The following ITPR2 variants were observed in gnomAD, a reference collection of about 807,000 sequenced individuals.
The protein encoded by ITPR2 is inositol 1,4,5-trisphosphate receptor type 2, also known as inositol 1,4,5-trisphosphate-gated calcium channel ITPR2.
A neutral mutation model predicts 317.1 loss-of-function variants in ITPR2; 207 were observed. That is an observed-to-expected ratio of 0.65 (90% CI 0.58 to 0.73). The LOEUF (loss-of-function observed/expected upper bound fraction) is 0.73. ITPR2 is among the 30% of genes least tolerant of loss of function. ITPR2 has a pLI of 0.00. For missense variants in ITPR2, 2,613 were observed against 3,284.0 expected, an observed-to-expected ratio of 0.80 and a Z score of 4.99; for synonymous variants, 1,156 against 1,149.1, an observed-to-expected ratio of 1.01 and a Z score of -0.12.
chr12:26,820,443 C>G (rs1950921521), intron 1 of ITPR2, among the ~76,000 whole-genome samples: 1 of 152,044 alleles, frequency 6.6e-6, no homozygotes, highest in East Asian at 1.9e-4. Flanking sequence ...CTTCAAAGAA[C>G]TTACAGTCTA....
intron 21 of ITPR2, among the ~76,000 whole-genome samples, chr12:26,649,809 A>ATAGG (rs1383421385): frequency 6.6e-6 from 1 of 151,560 alleles, no homozygotes; most frequent in African/African-American, 2.4e-5. Context: ...AGATAGATAG[A>ATAGG]TAGATAGATA....
rs754511276 is a variant in ITPR2 at position 26,832,727 on chromosome 12, C to T, written c.55G>A (p.Ala19Thr). Reference sequence around the variant, plus strand: ...ATGAAGCCGTTGACCGAGCCCTCCGCGTACAGGGACACGATGTCCCCTATG... The same window carrying T: ...ATGAAGCCGTTGACCGAGCCCTCCGTGTACAGGGACACGATGTCCCCTATG... The part of the protein sequence containing the change: ...LYIGDIVSLY[A>T]EGSVNGFIST... Residue 19 changes from alanine (A) to threonine (T), a missense_variant, in exon 1 of 57, where the codon GCG (alanine) becomes ACG (threonine). Around this residue, in one of 9 missense-constraint regions of ITPR2, gnomAD observed 515 missense variants for 789.4 expected, o/e 0.65. Transcript: ENST00000381340. 1.2e-6 allele frequency: 2 copies of T among 1,600,442 alleles called. No homozygotes were observed. Among genetic ancestry groups the T allele is most frequent in the Non-Finnish European group, 1.7e-6 (2 of 1,174,368 alleles).
At chr12:26,354,561 T>C (rs886806943) in intron 55 of ITPR2, among the ~76,000 whole-genome samples, 1 of 152,206 alleles carries the variant, frequency 6.6e-6, no homozygotes, top group Non-Finnish European at 1.5e-5. Context: ...GTCCCTGACA[T>C]TGCCATTTTA....
At chr12:26,701,911 T>C (rs1364129178) in intron 9 of ITPR2, among the ~76,000 whole-genome samples, 1 of 152,240 alleles carries the variant, frequency 6.6e-6, no homozygotes, top group East Asian at 1.9e-4. Context: ...ACTTGATCTA[T>C]ATTGCTTTGG....
intron 1 of ITPR2, 78 bp downstream of exon 1, chr12:26,832,612 C>G: frequency 8.9e-7 from 1 of 1,124,920 alleles, no homozygotes; most frequent in Non-Finnish European, 1.3e-6. Context: ...GCGGGAGGAC[C>G]GGGCGGCGGA....
intron 53 of ITPR2, 101 bp downstream of exon 53, chr12:26,400,027 C>CA (rs1940122067): frequency 2.4e-6 from 3 of 1,243,802 alleles, no homozygotes; most frequent in Non-Finnish European, 3.3e-6. Context: ...GCAAATGGTA[C>CA]AATATATTTT....
chr12:26,488,618 C>CAACCACAGT (rs1213396912), intron 39 of ITPR2, among the ~76,000 whole-genome samples: 2 of 152,172 alleles, frequency 1.3e-5, no homozygotes, highest in Non-Finnish European at 2.9e-5. Context: ...GTAACCATAG[C>CAACCACAGT]AACCACAGTA....
chr12:26,568,005 ATTATATATAT>A (rs1945047697), intron 34 of ITPR2, among the ~76,000 whole-genome samples: 2 of 5,236 alleles, frequency 3.8e-4, no homozygotes, highest in Admixed American at 8.8e-4. Flanking sequence ...TATTATATAT[ATTATATATAT>A]ATATATATAT....
intron 35 of ITPR2, among the ~76,000 whole-genome samples, chr12:26,556,921 A>G (rs539685689): frequency 1.4e-4 from 21 of 152,234 alleles, no homozygotes; most frequent in African/African-American, 5.1e-4. Flanking sequence ...TCTACTAAAA[A>G]TACAAAAATC....
chr12:26,495,083 C>A lies in ITPR2; in HGVS notation c.5182+69G>T, dbSNP rs1031479721. 43 of 842,430 alleles carry A rather than the reference C, an allele frequency of 5.1e-5. 1 individual carries two copies. The Middle Eastern group carries it at 2.2e-3, about 43-fold the overall frequency. 52.2% of individuals were successfully genotyped at this position (842,430 alleles called of 1,614,324 possible). ...ATATATCTGCCATTTCAGTAAAATA[C>A]TAGAGTAACACTGACATGAAGATGT... On this transcript the variant is annotated intron_variant, in intron 38 of 56. Transcript: ENST00000381340.
intron 37 of ITPR2, among the ~76,000 whole-genome samples, chr12:26,534,412 C>A (rs1591868166): frequency 6.6e-6 from 1 of 152,102 alleles, no homozygotes; most frequent in South Asian, 2.1e-4. Context: ...CTGATACGGC[C>A]CTTGAAGAGA....
In ITPR2 at chr12:26,528,992, A is replaced by C. The variant is rs186329787; in HGVS notation, c.5073+21255T>G. Among the ~76,000 whole-genome samples, 232 of 152,090 alleles carry C rather than the reference A, an allele frequency of 1.5e-3. 1 individual carries two copies. The highest frequency in any genetic ancestry group is 3.4e-3 in the Middle Eastern group (1 of 294). On this transcript the variant is annotated intron_variant, in intron 37 of 56. Coordinates refer to ENST00000381340, the MANE Select transcript of ITPR2 (RefSeq NM_002223.4). ...TCACATTCAAAAGCTATCCACTCAAACTTCACTCCACATCCAGAATCCTAC... is the reference window on the plus strand; with the variant it reads ...TCACATTCAAAAGCTATCCACTCAACCTTCACTCCACATCCAGAATCCTAC...
At chr12:26,509,958 T>TTGTGTGTGTGTGTGTG (rs56063133) in intron 37 of ITPR2, among the ~76,000 whole-genome samples, 1,535 of 53,150 alleles carry the variant, frequency 0.029, 125 homozygotes, top group Non-Finnish European at 0.046. Flanking sequence ...GATAAGGGTT[T>TTGTGTGTGTGTGTGTG]TGTGTGTGTG....
At chr12:26,394,086 G>A (rs894105984) in intron 54 of ITPR2, among the ~76,000 whole-genome samples, 1 of 152,104 alleles carries the variant, frequency 6.6e-6, no homozygotes, top group Non-Finnish European at 1.5e-5. Flanking sequence ...CCTCAGTTAA[G>A]CCTCGTGCTA....
chr12:26,633,910 T>C (rs1477963185), intron 21 of ITPR2, among the ~76,000 whole-genome samples: 1 of 152,228 alleles, frequency 6.6e-6, no homozygotes, highest in Non-Finnish European at 1.5e-5. Context: ...TTATTTAGAT[T>C]TGCATGGAAA....
At chr12:26,445,015 A>C (rs753395595) in intron 45 of ITPR2, among the ~76,000 whole-genome samples, 5 of 152,180 alleles carry the variant, frequency 3.3e-5, no homozygotes, top group Non-Finnish European at 5.9e-5. Context: ...GGGTTTCTAA[A>C]AATCTCAATC....
chr12:26,370,274 A>G (rs183168696), intron 55 of ITPR2, among the ~76,000 whole-genome samples: 46 of 152,276 alleles, frequency 3.0e-4, no homozygotes, highest in African/African-American at 1.1e-3. Context: ...TTTGAGGACT[A>G]TGCCCTGGAA....
At chr12:26,367,782 G>A (rs1176381847) in intron 55 of ITPR2, among the ~76,000 whole-genome samples, 2 of 152,172 alleles carry the variant, frequency 1.3e-5, no homozygotes, top group Non-Finnish European at 2.9e-5. Context: ...GTATTCATGT[G>A]TATTAGCCCA....
At chr12:26,371,773 C>T (rs1264592618) in intron 55 of ITPR2, among the ~76,000 whole-genome samples, 1 of 152,160 alleles carries the variant, frequency 6.6e-6, no homozygotes, top group Non-Finnish European at 1.5e-5. Context: ...ATCTTCTTTC[C>T]ACCACACCCA....
Sources: gnomAD v4.1 joint callset for allele counts (sites outside exome capture counted in the v4.1 genomes callset) on GRCh38, gnomAD v4.1.1 for gene constraint, gnomAD v4.1.1 regional missense constraint, MANE v1.5 for transcripts, NCBI Gene and HGNC (gene_info 2026-07-23, HGNC 2026-07-21) for gene names.